PLEKHA5: variants seen among roughly 807,000 people sequenced by gnomAD.
PLEKHA5 encodes the protein pleckstrin homology domain containing A5, also known as pleckstrin homology domain-containing family A member 5.
PLEKHA5 carries 55 observed loss-of-function variants against 181.9 expected under a neutral mutation model. The ratio of observed to expected loss-of-function variants is 0.30; its 90% CI spans 0.24 to 0.38. PLEKHA5 has a LOEUF of 0.38. Among genes scored for constraint, PLEKHA5 ranks in the 10% least tolerant of loss-of-function variants. PLEKHA5 has a pLI of 1.00. For synonymous variants in PLEKHA5, 535 were observed against 529.4 expected (o/e 1.01, Z -0.15); for missense variants, 1,432 against 1,549.5 (o/e 0.92, Z 1.27).
At chr12:19,168,256 T>A (rs1390228205) in intron 3 of PLEKHA5, among the ~76,000 whole-genome samples, 1 of 152,156 alleles carries the variant, frequency 6.6e-6, no homozygotes, top group Non-Finnish European at 1.5e-5. Context: ...GGTATTCTCT[T>A]TGGTGGACTT....
chr12:19,369,727 A>G lies in PLEKHA5; in HGVS notation c.3789A>G (p.Ala1263=). ...KSLSPSPESS[A]SPVPSTQPQL... The stretch of plus-strand genomic sequence containing the variant: ...TGTCCCCATCTCCTGAGTCCTCGGC[A>G]TCGCCAGTTCCATCCACTCAGCCGC... The change falls in exon 31 of 32, where the codon GCA becomes GCG. Residue 1263 remains alanine, a synonymous_variant. Transcript: ENST00000429027. 6.2e-7 allele frequency: 1 copy of G among 1,612,768 alleles called. No homozygotes were observed. Among genetic ancestry groups the G allele is most frequent in the South Asian group, 1.1e-5 (1 of 90,878 alleles).
chr12:19,143,141 C>T (rs1488551856), intron 3 of PLEKHA5, among the ~76,000 whole-genome samples: 1 of 152,160 alleles, frequency 6.6e-6, no homozygotes, highest in African/African-American at 2.4e-5. Context: ...GGTATACACC[C>T]AGAGGTGGGA....
chr12:19,323,684 C>T (rs1460269908), intron 20 of PLEKHA5, among the ~76,000 whole-genome samples: 1 of 151,474 alleles, frequency 6.6e-6, no homozygotes, highest in Non-Finnish European at 1.5e-5. Context: ...GGTGTGGTGG[C>T]AGGTGCCTGT....
At chr12:19,317,764 A>G (rs1292508158) in intron 16 of PLEKHA5, among the ~76,000 whole-genome samples, 1 of 152,106 alleles carries the variant, frequency 6.6e-6, no homozygotes, top group African/African-American at 2.4e-5. Context: ...AATAAAATAT[A>G]ACACATGTCC....
At chr12:19,200,566 T>A in intron 3 of PLEKHA5, 1 of 1,258,152 alleles carries the variant, frequency 7.9e-7, no homozygotes. Flanking sequence ...TCATTCCTAG[T>A]AGATCATACC....
chr12:19,262,823 G>A (rs569792812), intron 7 of PLEKHA5, among the ~76,000 whole-genome samples: 30 of 152,194 alleles, frequency 2.0e-4, no homozygotes, highest in African/African-American at 6.7e-4. Flanking sequence ...TCAGCATCAC[G>A]CAATTTACCT....
intron 30 of PLEKHA5, among the ~76,000 whole-genome samples, chr12:19,367,648 C>T (rs567151363): frequency 3.5e-4 from 53 of 151,866 alleles, no homozygotes; most frequent in African/African-American, 1.2e-3. Flanking sequence ...GGCGCGATCT[C>T]CACTCACTGC....
intron 3 of PLEKHA5, among the ~76,000 whole-genome samples, chr12:19,172,011 C>T (rs2046008810): frequency 6.6e-6 from 1 of 152,122 alleles, no homozygotes; most frequent in Admixed American, 6.6e-5. Context: ...TCCCTAAGGA[C>T]CTGCCTGAGG....
At chr12:19,168,369 T>C (rs1013348990) in intron 3 of PLEKHA5, among the ~76,000 whole-genome samples, 2 of 152,172 alleles carry the variant, frequency 1.3e-5, no homozygotes, top group Non-Finnish European at 2.9e-5. Context: ...AAAATAAAGC[T>C]TCAGAGTTTG....
intron 15 of PLEKHA5, chr12:19,307,328 C>G (rs1473818569): frequency 3.1e-6 from 1 of 322,018 alleles, no homozygotes; most frequent in Non-Finnish European, 5.8e-6. Context: ...CAAAATTAGC[C>G]GGGCATGGTG....
At chr12:19,157,093 T>TACACACAC (rs1484867794) in intron 3 of PLEKHA5, among the ~76,000 whole-genome samples, 1 of 19,564 alleles carries the variant, frequency 5.1e-5, no homozygotes, top group Non-Finnish European at 1.2e-4. Flanking sequence ...TATCTATATG[T>TACACACAC]ACATACACAC....
At chr12:19,296,857 G>A (rs763592913) in intron 15 of PLEKHA5, among the ~76,000 whole-genome samples, 1 of 152,126 alleles carries the variant, frequency 6.6e-6, no homozygotes, top group Non-Finnish European at 1.5e-5. Context: ...AATAGGAATG[G>A]GGAAGTTGGA....
At chr12:19,182,045 T>C (rs904557253) in intron 3 of PLEKHA5, among the ~76,000 whole-genome samples, 1 of 152,218 alleles carries the variant, frequency 6.6e-6, no homozygotes. Flanking sequence ...GTAGTTATTT[T>C]TAGCAGCAAA....
intron 3 of PLEKHA5, among the ~76,000 whole-genome samples, chr12:19,188,596 G>A (rs895157965): frequency 1.3e-5 from 2 of 152,178 alleles, no homozygotes; most frequent in Non-Finnish European, 2.9e-5. Context: ...CCAACTTAGA[G>A]TAAATATTTC....
chr12:19,309,553 C>T (rs1223593863), intron 15 of PLEKHA5, among the ~76,000 whole-genome samples: 1 of 151,848 alleles, frequency 6.6e-6, no homozygotes, highest in Non-Finnish European at 1.5e-5. Flanking sequence ...GTCAGGTGAT[C>T]GAGATCAGCC....
rs564115220 is a variant in PLEKHA5 at position 19,349,346 on chromosome 12, G to A, written c.3019+827G>A. 4.6e-5 allele frequency among the ~76,000 whole-genome samples: 7 copies of A among 152,158 alleles called. No homozygotes were observed. In the South Asian group the frequency reaches 1.5e-3, roughly 32 times the overall value. On this transcript the variant is annotated intron_variant, in intron 25 of 31. Coordinates refer to ENST00000429027, the MANE Select transcript of PLEKHA5 (RefSeq NM_001256470.2). ...GCCTAAGCTGGTCTTGAACTCTGGG[G>A]ATCAAGCATTCCTTCCACCTCAGCC...
intron 2 of PLEKHA5, among the ~76,000 whole-genome samples, chr12:19,131,788 A>G (rs1309507898): frequency 1.3e-5 from 2 of 152,172 alleles, no homozygotes; most frequent in Admixed American, 6.5e-5. Context: ...TGTCATTAAT[A>G]ATAATATGTA....
chr12:19,146,454 C>T (rs1379894980), intron 3 of PLEKHA5, among the ~76,000 whole-genome samples: 1 of 152,120 alleles, frequency 6.6e-6, no homozygotes, highest in Non-Finnish European at 1.5e-5. Context: ...TAGTAGACAT[C>T]TCGAAAATAT....
At chr12:19,334,705 A>T (rs1157533844) in intron 20 of PLEKHA5, among the ~76,000 whole-genome samples, 1 of 149,154 alleles carries the variant, frequency 6.7e-6, no homozygotes, top group African/African-American at 2.5e-5. Context: ...TGCTGACTAG[A>T]TGTGGTGGCT....
Sources: gnomAD v4.1 joint callset for allele counts (sites outside exome capture counted in the v4.1 genomes callset) on GRCh38, gnomAD v4.1.1 for gene constraint, MANE v1.5 for transcripts, NCBI Gene and HGNC (gene_info 2026-07-23, HGNC 2026-07-21) for gene names.